The following NCR1 variants were observed in gnomAD, a reference collection of about 807,000 sequenced individuals.
NCR1 encodes NK cell-activating receptor.
NCR1 carries 30 observed loss-of-function variants against 32.5 expected under a neutral mutation model. That is an observed-to-expected ratio of 0.92 (90% CI 0.69 to 1.25). The LOEUF (loss-of-function observed/expected upper bound fraction) is 1.25, where lower values mean the gene tolerates loss of function less well. NCR1 is among the 50% of genes most tolerant of loss of function. The pLI is 0.00. For missense variants in NCR1, 369 were observed against 380.7 expected, an observed-to-expected ratio of 0.97 and a Z score of 0.26; for synonymous variants, 169 against 143.4, an observed-to-expected ratio of 1.18 and a Z score of -1.28.
chr19:54,916,406 C>T (rs555426797), downstream of NCR1, among the ~76,000 whole-genome samples: 79 of 149,610 alleles, frequency 5.3e-4, 1 homozygote, highest in Non-Finnish European at 1.1e-3. Flanking sequence ...GCAACCTCCG[C>T]CTCCCGGGTT....
chr19:54,914,029 C>CT (rs963557638), downstream of NCR1, among the ~76,000 whole-genome samples: 1 of 150,260 alleles, frequency 6.7e-6, no homozygotes, highest in African/African-American at 2.5e-5. Context: ...GATCGCACCA[C>CT]TGCACTCCAG....
upstream of NCR1, among the ~76,000 whole-genome samples, chr19:54,901,161 G>A (rs949784935): frequency 2.7e-5 from 4 of 150,144 alleles, no homozygotes; most frequent in Non-Finnish European, 4.4e-5. Context: ...GTGGTGGTGG[G>A]CACCTGTAGT....
downstream of NCR1, among the ~76,000 whole-genome samples, chr19:54,919,814 G>A (rs939658750): frequency 1.7e-4 from 26 of 151,260 alleles, no homozygotes; most frequent in Middle Eastern, 3.4e-3. Flanking sequence ...GCTTGGTGAC[G>A]GGTGTCTTCC....
chr19:54,916,977 GCTGT>G (rs1389242010), downstream of NCR1, among the ~76,000 whole-genome samples: 1 of 152,012 alleles, frequency 6.6e-6, no homozygotes, highest in African/African-American at 2.4e-5. Context: ...TTCCTCTGAA[GCTGT>G]CTGTGTGACC....
At chr19:54,922,778 CAAAAAA>C in the NCR1 span, among the ~76,000 whole-genome samples, 7 of 39,444 alleles carry the variant, frequency 1.8e-4, no homozygotes, top group Non-Finnish European at 1.3e-4. Flanking sequence ...AACTCCGTCT[CAAAAAA>C]AAAAACAAAA....
chr19:54,908,649 G>A (rs1408157365), intron 3 of NCR1, among the ~76,000 whole-genome samples: 5 of 124,630 alleles, frequency 4.0e-5, no homozygotes, highest in African/African-American at 5.4e-5. Context: ...GCGGCTGGCC[G>A]GGGCTTTTTT....
chr19:54,933,726 G>A, the NCR1 span: 5 of 1,614,036 alleles, frequency 3.1e-6, no homozygotes, highest in South Asian at 2.2e-5. Flanking sequence ...TCTGTAAGAC[G>A]ACAGTTTTCC....
chr19:54,904,531 C>CTTTTTTTTTTTTTTTTTTTTTT (rs1556717280), upstream of NCR1, among the ~76,000 whole-genome samples: 7 of 118,978 alleles, frequency 5.9e-5, no homozygotes, highest in Admixed American at 1.8e-4. Flanking sequence ...GTTTTCTTTT[C>CTTTTTTTTTTTTTTTTTTTTTT]TTTTTTTTTT....
At chr19:54,908,398 A>C (rs2067748231) in intron 3 of NCR1, among the ~76,000 whole-genome samples, 1 of 151,788 alleles carries the variant, frequency 6.6e-6, no homozygotes, top group South Asian at 2.1e-4. Context: ...TTCTACACAG[A>C]CACAGTAACA....
chr19:54,900,752 G>T, the NCR1 span, among the ~76,000 whole-genome samples: 6 of 152,222 alleles, frequency 3.9e-5, no homozygotes, highest in East Asian at 1.2e-3. Context: ...GTACCTTCTG[G>T]TGTTTAGAGA....
At chr19:54,898,994 G>C in the NCR1 span, among the ~76,000 whole-genome samples, 1 of 152,186 alleles carries the variant, frequency 6.6e-6, no homozygotes, top group Non-Finnish European at 1.5e-5. Context: ...ATGTCAGATG[G>C]GTCTGTAGAA....
chr19:54,912,371 C>T lies in NCR1; in HGVS notation c.733+153C>T, dbSNP rs565480867. Among the ~76,000 whole-genome samples, 627 of 151,784 alleles carry T rather than the reference C, an allele frequency of 4.1e-3. 5 individuals are homozygous for T. Among genetic ancestry groups the T allele is most frequent in the African/African-American group, 0.015 (611 of 41,424 alleles). On this transcript the variant is annotated intron_variant, in intron 6 of 6. Coordinates refer to ENST00000291890, the MANE Select transcript of NCR1 (RefSeq NM_004829.7). ...CAGCCCTTTGGGAGGCCGAGGCGGG[C>T]AGATCATCTGAGGTCGGGAGTTCAA...
At chr19:54,919,270 C>T (rs1397748188), downstream of NCR1, among the ~76,000 whole-genome samples, 4 of 152,120 alleles carry the variant, frequency 2.6e-5, no homozygotes, top group East Asian at 5.8e-4. Context: ...ACCACCAATG[C>T]GCGGAGACCG....
At chr19:54,924,718 C>G in the NCR1 span, among the ~76,000 whole-genome samples, 1 of 152,028 alleles carries the variant, frequency 6.6e-6, no homozygotes, top group Non-Finnish European at 1.5e-5. Context: ...GGCAGATCAC[C>G]TGAGGTCAGG....
the NCR1 span, among the ~76,000 whole-genome samples, chr19:54,923,180 G>T: frequency 6.6e-6 from 1 of 152,210 alleles, no homozygotes; most frequent in Non-Finnish European, 1.5e-5. Context: ...GTGCCAGCCA[G>T]GCCCTGCGCT....
At chr19:54,936,331 A>G in the NCR1 span, 1 of 1,613,646 alleles carries the variant, frequency 6.2e-7, no homozygotes. Context: ...GTGCGTTCCC[A>G]CTCGATGTGC....
At chr19:54,920,414 G>A (rs1569538309), downstream of NCR1, among the ~76,000 whole-genome samples, 1 of 152,162 alleles carries the variant, frequency 6.6e-6, no homozygotes, top group Non-Finnish European at 1.5e-5. Flanking sequence ...CCCACCAAAC[G>A]TCATGTACAA....
downstream of NCR1, chr19:54,915,652 A>C (rs1475275863): frequency 6.6e-6 from 1 of 151,978 alleles, no homozygotes; most frequent in Non-Finnish European, 1.5e-5. Context: ...CTCCCTCTCA[A>C]AATAAATAAA....
the NCR1 span, among the ~76,000 whole-genome samples, chr19:54,933,134 G>A: frequency 4.6e-5 from 7 of 151,052 alleles, no homozygotes; most frequent in Non-Finnish European, 8.8e-5. Context: ...ACCTGTATCT[G>A]CCTGGTTTTT....
Sources: gnomAD v4.1 joint callset for allele counts (sites outside exome capture counted in the v4.1 genomes callset) on GRCh38, gnomAD v4.1.1 for gene constraint, MANE v1.5 for transcripts, NCBI Gene and HGNC (gene_info 2026-07-23, HGNC 2026-07-21) for gene names.